LNX1: variants seen among roughly 807,000 people sequenced by gnomAD.
The protein encoded by LNX1 is E3 ubiquitin-protein ligase LNX.
LNX1 carries 54 observed loss-of-function variants against 68.4 expected under a neutral mutation model. The ratio of observed to expected loss-of-function variants is 0.79; its 90% confidence interval spans 0.63 to 0.99. The LOEUF (loss-of-function observed/expected upper bound fraction) is 0.99. Ranked by LOEUF, LNX1 falls within the 50% of genes least tolerant of loss-of-function variation. LNX1 has a pLI of 0.00. For missense variants in LNX1, 906 were observed against 926.4 expected, an observed-to-expected ratio of 0.98 and a Z score of 0.29; for synonymous variants, 336 against 350.0, an observed-to-expected ratio of 0.96 and a Z score of 0.45.
chr4:53,558,897 T>G (rs960642779), intron 2 of LNX1, among the ~76,000 whole-genome samples: 1 of 152,194 alleles, frequency 6.6e-6, no homozygotes, highest in Non-Finnish European at 1.5e-5. Flanking sequence ...CTCTTCCAGC[T>G]TTAAGATCTG....
chr4:53,592,923 G>C (rs1247627372), upstream of LNX1: 1 of 152,150 alleles, frequency 6.6e-6, no homozygotes, highest in African/African-American at 2.4e-5. Flanking sequence ...TCGACCTCAG[G>C]GGAGCTGGCT....
At chr4:53,549,612 A>G (rs542790100) in intron 2 of LNX1, 5 of 151,994 alleles carry the variant, frequency 3.3e-5, no homozygotes, top group Non-Finnish European at 5.9e-5. Flanking sequence ...TTAAGAATCT[A>G]TCTTTAGAGA....
chr4:53,579,251 G>A (rs1731680895), intron 1 of LNX1: 8 of 984,324 alleles, frequency 8.1e-6, no homozygotes, highest in Admixed American at 6.1e-5. Flanking sequence ...CCCTCCTTAC[G>A]TACGTGTATG....
intron 2 of LNX1, among the ~76,000 whole-genome samples, chr4:53,609,705 C>G (rs1351292201): frequency 7.2e-6 from 1 of 137,996 alleles, no homozygotes. Flanking sequence ...TATTATAGTA[C>G]TATTATAATA....
chr4:53,489,057 CA>C (rs949560936), intron 6 of LNX1, among the ~76,000 whole-genome samples: 5 of 152,254 alleles, frequency 3.3e-5, no homozygotes, highest in African/African-American at 1.2e-4. Flanking sequence ...TTGGTCAGAG[CA>C]AATCTGGTCT....
intron 2 of LNX1, among the ~76,000 whole-genome samples, chr4:53,569,331 C>G (rs1730961165): frequency 7.1e-6 from 1 of 140,686 alleles, no homozygotes; most frequent in African/African-American, 2.7e-5. Flanking sequence ...ATCAATGGAA[C>G]AGAACAGAGC....
At chr4:53,590,239 C>T (rs78398268) in intron 1 of LNX1, among the ~76,000 whole-genome samples, 7,667 of 152,264 alleles carry the variant, frequency 0.05, 237 homozygotes, top group Middle Eastern at 0.099. Flanking sequence ...ATGATCTCAG[C>T]TTGTTTCAAT....
chr4:53,620,595 G>T (rs1733833887), upstream of LNX1, among the ~76,000 whole-genome samples: 1 of 152,154 alleles, frequency 6.6e-6, no homozygotes. Context: ...TGCTTGATGG[G>T]TACAACGTGC....
At chr4:53,543,023 T>A (rs933405246) in intron 2 of LNX1, among the ~76,000 whole-genome samples, 1 of 152,226 alleles carries the variant, frequency 6.6e-6, no homozygotes, top group African/African-American at 2.4e-5. Flanking sequence ...TTGTCCTGTC[T>A]GCTACTTTTG....
intron 9 of LNX1, among the ~76,000 whole-genome samples, chr4:53,472,819 C>G (rs1171194518): frequency 3.3e-5 from 5 of 151,650 alleles, no homozygotes; most frequent in Admixed American, 2.6e-4. Context: ...AAAAGAGATG[C>G]TAATGGCAAT....
intron 2 of LNX1, among the ~76,000 whole-genome samples, chr4:53,606,117 C>T (rs182056806): frequency 1.3e-5 from 2 of 152,040 alleles, no homozygotes; most frequent in African/African-American, 4.8e-5. Flanking sequence ...CCGAAGGAAA[C>T]TGGGAAAAAC....
intron 2 of LNX1, chr4:53,558,298 A>C (rs1370884243): frequency 9.0e-7 from 1 of 1,105,744 alleles, no homozygotes; most frequent in Non-Finnish European, 1.1e-6. Context: ...CAGCTGGTAC[A>C]TTTACATCAC....
chr4:53,525,407 G>T (rs1727541432), intron 2 of LNX1, among the ~76,000 whole-genome samples: 1 of 152,150 alleles, frequency 6.6e-6, no homozygotes, highest in African/African-American at 2.4e-5. Flanking sequence ...GCTTGAACCT[G>T]GGAAATGAAG....
upstream of LNX1, among the ~76,000 whole-genome samples, chr4:53,592,153 G>A (rs1254176223): frequency 4.0e-5 from 6 of 148,668 alleles, no homozygotes; most frequent in Non-Finnish European, 8.9e-5. Flanking sequence ...TTCCTATCTC[G>A]GCTGGCTTGG....
chr4:53,577,502 A>G (rs1731567200), intron 1 of LNX1, among the ~76,000 whole-genome samples: 1 of 152,216 alleles, frequency 6.6e-6, no homozygotes, highest in Admixed American at 6.5e-5. Flanking sequence ...GGCATCAGAT[A>G]CTTCCAGATC....
intron 1 of LNX1, among the ~76,000 whole-genome samples, chr4:53,587,760 C>A (rs1732264891): frequency 6.6e-6 from 1 of 152,160 alleles, no homozygotes; most frequent in African/African-American, 2.4e-5. Context: ...GTCTTGGAGA[C>A]AAGGAGACAG....
chr4:53,596,418 T>C, upstream of LNX1, among the ~76,000 whole-genome samples: 1 of 152,208 alleles, frequency 6.6e-6, no homozygotes, highest in Non-Finnish European at 1.5e-5. Context: ...TGTGAAAGTT[T>C]ACCACACTGA....
Position 53,498,771 on chromosome 4 carries a change from C to T in LNX1, c.848G>A (p.Ser283Asn). 6.2e-7 allele frequency: 1 copy of T among 1,614,068 alleles called. No homozygotes were observed. The highest frequency in any genetic ancestry group is 8.5e-7 in the Non-Finnish European group (1 of 1,179,920). Reference protein sequence around the residue: ...TSIKINRVDPSESLSIRLVGG... With the variant: ...TSIKINRVDPNESLSIRLVGG... ...CACCAGCCTAATAGAGAGGCTTTCA[C>T]TGGGATCTACTCGATTGATCTTGAT... The change falls in exon 5 of 11, where the codon AGT becomes AAT. Residue 283 changes from serine (S) to asparagine (N), a missense_variant. Transcript: ENST00000263925.
chr4:53,507,591 G>T, intron 3 of LNX1, 122 bp from the exon 4 acceptor site: 1 of 1,131,832 alleles, frequency 8.8e-7, no homozygotes, highest in Non-Finnish European at 1.3e-6. Flanking sequence ...TGGTAGGATT[G>T]TAGAATTTGC....
Sources: gnomAD v4.1 joint callset for allele counts (sites outside exome capture counted in the v4.1 genomes callset) on GRCh38, gnomAD v4.1.1 for gene constraint, MANE v1.5 for transcripts, NCBI Gene and HGNC (gene_info 2026-07-23, HGNC 2026-07-21) for gene names.